SPTB: variants seen among roughly 807,000 people sequenced by gnomAD.
SPTB encodes the protein spectrin beta chain, erythrocytic.
Under a neutral mutation model 256.2 loss-of-function variants are expected in SPTB, and 45 were observed. That is an observed-to-expected ratio of 0.18 (90% CI 0.14 to 0.23). The LOEUF (loss-of-function observed/expected upper bound fraction) is 0.23, where lower values mean the gene tolerates loss of function less well. Ranked by LOEUF, SPTB falls within the 10% of genes least tolerant of loss-of-function variation. The pLI is 1.00. For missense variants in SPTB, 2,715 were observed against 3,040.4 expected, an observed-to-expected ratio of 0.89 and a Z score of 2.52; for synonymous variants, 1,231 against 1,243.1, an observed-to-expected ratio of 0.99 and a Z score of 0.21.
At chr14:64,776,924 C>A (rs1170598973) in intron 22 of SPTB, among the ~76,000 whole-genome samples, 15 of 152,162 alleles carry the variant, frequency 9.9e-5, no homozygotes, top group African/African-American at 3.4e-4. Context: ...AAAATCCCTG[C>A]ACTTTAAAGC....
At chr14:64,805,937 G>C (rs569148868) in intron 2 of SPTB, among the ~76,000 whole-genome samples, 89 of 152,170 alleles carry the variant, frequency 5.8e-4, no homozygotes, top group Non-Finnish European at 1.1e-3. Flanking sequence ...CCCTGGGAAG[G>C]TGACATGACA....
chr14:64,820,679 C>T (rs1241627515), intron 2 of SPTB, among the ~76,000 whole-genome samples: 1 of 152,144 alleles, frequency 6.6e-6, no homozygotes, highest in African/African-American at 2.4e-5. Context: ...CAACCTAGGA[C>T]TGACCACTAA....
chr14:64,794,289 G>C (rs2082727688), intron 13 of SPTB, among the ~76,000 whole-genome samples, 178 bp downstream of exon 13: 1 of 152,224 alleles, frequency 6.6e-6, no homozygotes. Flanking sequence ...TACCGAAGCA[G>C]TTGCCTGCTC....
intron 33 of SPTB, among the ~76,000 whole-genome samples, chr14:64,750,727 G>A (rs1219327761): frequency 2.0e-5 from 3 of 151,256 alleles, no homozygotes; most frequent in Non-Finnish European, 4.4e-5. Flanking sequence ...AGTGAGCCGA[G>A]ATTGAGCCAC....
chr14:64,819,237 G>A (rs1455182695), intron 2 of SPTB, among the ~76,000 whole-genome samples: 6 of 152,212 alleles, frequency 3.9e-5, no homozygotes, highest in African/African-American at 7.2e-5. Flanking sequence ...TAGGACAGAT[G>A]AGCCAGATGG....
chr14:64,827,256 T>G lies in SPTB; in HGVS notation c.-51-4111A>C, dbSNP rs560958568. Among the ~76,000 whole-genome samples, 1 of 152,268 alleles carries G rather than the reference T, an allele frequency of 6.6e-6. No individual in the cohort carries two copies. The highest frequency in any genetic ancestry group is 1.5e-5 in the Non-Finnish European group (1 of 68,020). ...GTAAACAGCATCCTCTCCTCTTCCC[T>G]GGGTCATACAAAAGTGAGAAGCAAC... On this transcript the variant is annotated intron_variant, in intron 1 of 35. Coordinates refer to ENST00000644917, the MANE Select transcript of SPTB (RefSeq NM_001355436.2). The surrounding 1 kb of genome is among the most constrained non-coding windows in gnomAD (Gnocchi z 4.6).
At chr14:64,768,375 A>C (rs1294657192) in intron 29 of SPTB, among the ~76,000 whole-genome samples, 1 of 152,214 alleles carries the variant, frequency 6.6e-6, no homozygotes, top group Non-Finnish European at 1.5e-5. Context: ...TTTTTCACTA[A>C]TTAGAACTCT....
At chr14:64,876,784 T>TA (rs1204218285) in intron 1 of SPTB, among the ~76,000 whole-genome samples, 6 of 152,170 alleles carry the variant, frequency 3.9e-5, no homozygotes, top group Non-Finnish European at 8.8e-5. Flanking sequence ...GACTAGATAT[T>TA]AAAAACACAT....
chr14:64,765,287 C>T (rs1393720468), intron 32 of SPTB, among the ~76,000 whole-genome samples: 1 of 152,076 alleles, frequency 6.6e-6, no homozygotes. Context: ...GCCCCCAGTG[C>T]AGCCTGCCAC....
At chr14:64,769,010 C>A (rs900772433) in intron 29 of SPTB, 24 bp downstream of exon 29, 1 of 1,598,142 alleles carries the variant, frequency 6.3e-7, no homozygotes, top group Non-Finnish European at 8.6e-7. Context: ...TGCCCCTGGG[C>A]CCTGGCTCCA....
At chr14:64,797,928 G>T in intron 9 of SPTB, 82 bp from the exon 10 acceptor site, 1 of 914,166 alleles carries the variant, frequency 1.1e-6, no homozygotes, top group Non-Finnish European at 1.8e-6. Flanking sequence ...CGGAACTGTG[G>T]CATCTTGAAG....
intron 1 of SPTB, among the ~76,000 whole-genome samples, chr14:64,861,130 A>C (rs1035978696): frequency 7.9e-5 from 12 of 152,276 alleles, no homozygotes; most frequent in African/African-American, 2.2e-4. Context: ...GTTCTCACTC[A>C]TAAGTAGGAA....
intron 1 of SPTB, among the ~76,000 whole-genome samples, chr14:64,877,999 G>A (rs561832694): frequency 2.0e-5 from 3 of 152,316 alleles, no homozygotes; most frequent in African/African-American, 7.2e-5. Context: ...ATACGCCTGT[G>A]CTACAAGGCC....
At chr14:64,767,269 C>T (rs767753124) in intron 31 of SPTB, 34 bp downstream of exon 31, 26 of 1,613,286 alleles carry the variant, frequency 1.6e-5, no homozygotes, top group Admixed American at 5.0e-5. Flanking sequence ...CTTGGCAGAG[C>T]ATTCAGCTCC....
chr14:64,779,046 CAAT>C lies in SPTB; in HGVS notation c.4563+108_4563+110del. The C allele has an allele frequency of 2.5e-6, 2 of 808,450 alleles. No homozygotes were observed. The highest frequency in any genetic ancestry group is 4.2e-6 in the Non-Finnish European group (2 of 479,126). 50.1% of individuals were successfully genotyped at this position (808,450 alleles called of 1,614,324 possible). On this transcript the variant is annotated intron_variant, in intron 22 of 35. Coordinates refer to ENST00000644917, the MANE Select transcript of SPTB (RefSeq NM_001355436.2). This position sits in a 1 kb window ranked among gnomAD's most constrained non-coding sequence, Gnocchi z 4.2. ...GAGACCCCAAAGCTACCAACAAGAA[CAAT>C]AATCTGCTGTTGCTAGCCTTCTGCA...
chr14:64,766,825 T>C (rs1189351628), intron 31 of SPTB, 24 bp from the exon 32 acceptor site: 1 of 1,608,000 alleles, frequency 6.2e-7, no homozygotes, highest in Admixed American at 1.7e-5. Context: ...AGTCTCTCTT[T>C]AGAAACAAGC....
rs1312093612 is a variant in SPTB at position 64,816,693 on chromosome 14, C to T, written c.148+6254G>A. Among the ~76,000 whole-genome samples, 1 of 152,172 alleles carries T rather than the reference C, an allele frequency of 6.6e-6. No homozygotes were observed. Among genetic ancestry groups the T allele is most frequent in the Non-Finnish European group, 1.5e-5 (1 of 68,032 alleles). ...CCAAAGGGTTTGGAGGCAAAATGCT[C>T]CCAGAGACTCGGCTGCTACTAGCCT... On this transcript the variant is annotated intron_variant, in intron 2 of 35. Transcript: ENST00000644917. This position sits in a 1 kb window ranked among gnomAD's most constrained non-coding sequence, Gnocchi z 4.2.
intron 32 of SPTB, among the ~76,000 whole-genome samples, chr14:64,762,558 C>T (rs115803037): frequency 1.8e-4 from 27 of 152,334 alleles, no homozygotes; most frequent in African/African-American, 6.5e-4. Flanking sequence ...TGGTTACTTC[C>T]CTGAAGCCAC....
At chr14:64,811,216 A>G (rs1566779834) in intron 2 of SPTB, among the ~76,000 whole-genome samples, 2 of 152,246 alleles carry the variant, frequency 1.3e-5, no homozygotes, top group Non-Finnish European at 2.9e-5. Context: ...CTTAATATAC[A>G]AAAAGCACCT....
Sources: gnomAD v4.1 joint callset for allele counts (sites outside exome capture counted in the v4.1 genomes callset) on GRCh38, gnomAD v4.1.1 for gene constraint, Gnocchi (gnomAD v3.1) non-coding constraint, MANE v1.5 for transcripts, NCBI Gene and HGNC (gene_info 2026-07-23, HGNC 2026-07-21) for gene names.